The following FIP1L1 variants were observed in gnomAD, a reference collection of about 807,000 sequenced individuals.
The protein encoded by FIP1L1 is factor interacting with PAPOLA and CPSF1.
In FIP1L1, 21 loss-of-function variants were observed where a neutral mutation model predicts 84.6. The observed-to-expected ratio is 0.25, with a 90% confidence interval of 0.18 to 0.36. The LOEUF (loss-of-function observed/expected upper bound fraction) is 0.36. Ranked by LOEUF, FIP1L1 falls within the 10% of genes least tolerant of loss-of-function variation. The pLI, the probability that FIP1L1 is intolerant of heterozygous loss-of-function variation, is 1.00. For missense variants in FIP1L1, 526 were observed against 751.1 expected (o/e 0.70, Z 3.50); for synonymous variants, 263 against 242.3 (o/e 1.09, Z -0.80).
At position 53,390,575 on chromosome 4, in the gene FIP1L1, C is replaced by T. The variant is rs771668615; in HGVS notation, c.452C>T (p.Pro151Leu). ...LDAPGSINGV[P>L]LLEVDLDSFE... ...GCACCTGGAAGCATTAATGGAGTTC[C>T]ACTCTTAGAGGTAGATTTGGATTCT... is the stretch of plus-strand genomic sequence containing the variant. The change falls in exon 7 of 18, where the codon CCA becomes CTA. Residue 151 changes from proline (P) to leucine (L), a missense_variant. Physicochemically the swap from Pro to Leu is moderately conservative, Grantham distance 98. Transcript: ENST00000337488. 1.3e-5 allele frequency: 21 copies of T among 1,613,016 alleles called. No homozygotes were observed. The East Asian group carries it at 2.5e-4, about 19-fold the overall frequency.
At chr4:53,452,881 G>T in intron 15 of FIP1L1, 39 bp from the exon 16 acceptor site, 2 of 1,541,552 alleles carry the variant, frequency 1.3e-6, no homozygotes, top group Non-Finnish European at 8.9e-7. Flanking sequence ...TTTTTTTAAA[G>T]TACCATAACG....
intron 4 of FIP1L1, 53 bp from the exon 5 acceptor site, chr4:53,383,720 G>T: frequency 6.7e-7 from 1 of 1,495,814 alleles, no homozygotes. Context: ...ATTAGTATTA[G>T]ATGTTGAAAT....
chr4:53,459,419 G>A lies in FIP1L1; in HGVS notation c.1755G>A (p.Gln585=). ...CGGGCAGTGAGCCTGCCCCTGAACAGGAGAGCACCGAAGCTACACCTGCAG... is the reference window on the plus strand; with the variant it reads ...CGGGCAGTGAGCCTGCCCCTGAACAAGAGAGCACCGAAGCTACACCTGCAG... The part of the protein sequence containing the change: ...KEAGSEPAPE[Q]ESTEATPAE Residue 585 remains glutamine, a synonymous_variant, in exon 18 of 18, where the codon CAG becomes CAA. Coordinates refer to ENST00000337488, the MANE Select transcript of FIP1L1 (RefSeq NM_030917.4). 5 of 1,613,456 alleles carry A rather than the reference G, an allele frequency of 3.1e-6. No individual in the cohort carries two copies. The highest frequency in any genetic ancestry group is 4.2e-6 in the Non-Finnish European group (5 of 1,179,674).
At position 53,383,765 on chromosome 4, in the gene FIP1L1, T is replaced by A; in HGVS notation, c.229-8T>A. ...AATGTATTTTATAATTTGTTTATGT[T>A]CATGTAGAAAGTGACTGAGACCGAA... is the stretch of plus-strand genomic sequence containing the variant. On this transcript the variant is annotated splice_region_variant and splice_polypyrimidine_tract_variant and intron_variant, in intron 4 of 17. Transcript: ENST00000337488. 1.3e-6 allele frequency: 2 copies of A among 1,599,804 alleles called. No individual in the cohort carries two copies. Among genetic ancestry groups the A allele is most frequent in the East Asian group, 4.5e-5 (2 of 44,620 alleles).
intron 10 of FIP1L1, among the ~76,000 whole-genome samples, chr4:53,404,523 A>G (rs537575566): frequency 6.6e-6 from 1 of 152,030 alleles, no homozygotes; most frequent in East Asian, 1.9e-4. Flanking sequence ...TTGCGTATAT[A>G]CCCAGTAATG....
In FIP1L1 at chr4:53,414,601, A is replaced by G; in HGVS notation, c.816-14A>G. 6.3e-7 allele frequency: 1 copy of G among 1,590,434 alleles called. No individual in the cohort carries two copies. The highest frequency in any genetic ancestry group is 8.6e-7 in the Non-Finnish European group (1 of 1,161,764). On this transcript the variant is annotated splice_polypyrimidine_tract_variant and intron_variant, in intron 10 of 17. Coordinates refer to ENST00000337488, the MANE Select transcript of FIP1L1 (RefSeq NM_030917.4). ...CAATATGTAAGAAAAAACATAGAAA[A>G]TTTATCTCACCAGAAACAGCACTTC...
chr4:53,390,206 T>C (rs1229186894), intron 6 of FIP1L1, among the ~76,000 whole-genome samples: 8 of 152,146 alleles, frequency 5.3e-5, no homozygotes, highest in Non-Finnish European at 5.9e-5. Flanking sequence ...TCCCAGAGTG[T>C]TGGGATTCCA....
At chr4:53,405,779 G>A (rs1290128986) in intron 10 of FIP1L1, among the ~76,000 whole-genome samples, 1 of 150,478 alleles carries the variant, frequency 6.6e-6, no homozygotes, top group African/African-American at 2.4e-5. Flanking sequence ...AATTGTGAAT[G>A]GGAGTTCACT....
intron 5 of FIP1L1, among the ~76,000 whole-genome samples, chr4:53,384,363 C>T (rs909081336): frequency 6.6e-5 from 10 of 151,526 alleles, no homozygotes; most frequent in African/African-American, 1.7e-4. Context: ...GAACCCAGAT[C>T]GAGCCACTGT....
chr4:53,383,643 CAA>C, intron 4 of FIP1L1, 128 bp from the exon 5 acceptor site: 1 of 875,102 alleles, frequency 1.1e-6, no homozygotes, highest in South Asian at 1.8e-5. Context: ...GCCGGGGCGA[CAA>C]AGTGAGAGTC....
Position 53,389,670 on chromosome 4 carries a change from TA to T in FIP1L1, c.333-136del. 3 of 663,752 alleles carry T rather than the reference TA, an allele frequency of 4.5e-6. No individual in the cohort carries two copies. In the South Asian group the frequency reaches 5.5e-5, roughly 12 times the overall value. The allele number at this position is 663,752 out of a possible 1,614,324, so 41.1% of individuals were successfully genotyped here. A position where few individuals can be genotyped will look rare whatever the true frequency, so the allele number is the denominator to read the frequency against. On this transcript the variant is annotated intron_variant, in intron 5 of 17. Coordinates refer to ENST00000337488, the MANE Select transcript of FIP1L1 (RefSeq NM_030917.4). ...TCTCATCTATACAAAATTTAAAAAA[TA>T]AAGATAGAAATAAAATGTGTGTCAC...
chr4:53,417,357 A>G (rs1759928648), intron 11 of FIP1L1, among the ~76,000 whole-genome samples: 1 of 152,128 alleles, frequency 6.6e-6, no homozygotes, highest in African/African-American at 2.4e-5. Context: ...AATTCCAAAA[A>G]TAGCCTGGCT....
intron 9 of FIP1L1, among the ~76,000 whole-genome samples, chr4:53,397,434 G>T (rs1331027164): frequency 2.0e-5 from 3 of 152,216 alleles, no homozygotes; most frequent in African/African-American, 7.2e-5. Context: ...CCTCTCAGGA[G>T]AATGGTACTC....
In FIP1L1 at chr4:53,460,630, T is replaced by C. The variant is rs1241064174; in HGVS notation, c.*1181T>C. On this transcript the variant is annotated 3_prime_UTR_variant, in exon 18 of 18. Transcript: ENST00000337488. ...TGAATTCAGTGGGGTATACAAATCATTTTAGTTGTTTTAGGGCTTTTTATT... is the reference window on the plus strand; with the variant it reads ...TGAATTCAGTGGGGTATACAAATCACTTTAGTTGTTTTAGGGCTTTTTATT... The C allele has an allele frequency of 3.1e-5, 10 of 321,962 alleles. No individual in the cohort carries two copies. The highest frequency in any genetic ancestry group is 5.5e-5 in the Non-Finnish European group (10 of 182,678). 19.9% of individuals were successfully genotyped at this position (321,962 alleles called of 1,614,324 possible).
intron 15 of FIP1L1, among the ~76,000 whole-genome samples, chr4:53,450,847 A>G (rs1047970548): frequency 1.3e-5 from 2 of 152,112 alleles, no homozygotes; most frequent in Non-Finnish European, 2.9e-5. Flanking sequence ...GCTACCTGGA[A>G]GTTTAAATCT....
intron 10 of FIP1L1, among the ~76,000 whole-genome samples, chr4:53,405,305 G>GA (rs1221233542): frequency 2.6e-5 from 4 of 152,050 alleles, no homozygotes; most frequent in Non-Finnish European, 5.9e-5. Context: ...GTTTGTCAAA[G>GA]ATCAGATAGT....
chr4:53,405,135 G>GT (rs1268866827), intron 10 of FIP1L1, among the ~76,000 whole-genome samples: 25 of 152,098 alleles, frequency 1.6e-4, no homozygotes, highest in African/African-American at 5.1e-4. Flanking sequence ...GGTTTTTATG[G>GT]TTTTAGGTCT....
chr4:53,456,402 A>G (rs1379364766), intron 16 of FIP1L1, among the ~76,000 whole-genome samples: 4 of 152,144 alleles, frequency 2.6e-5, no homozygotes, highest in African/African-American at 7.2e-5. Flanking sequence ...TTAGGAGTCA[A>G]TGTTTACCTA....
At chr4:53,438,973 T>C (rs1213304180) in intron 13 of FIP1L1, among the ~76,000 whole-genome samples, 1 of 152,306 alleles carries the variant, frequency 6.6e-6, no homozygotes, top group Middle Eastern at 3.4e-3. Context: ...GATTTTGGTA[T>C]ATTCCTTTAT....
Sources: allele counts gnomAD v4.1 joint callset (sites outside exome capture counted in the v4.1 genomes callset), GRCh38; gene constraint gnomAD v4.1.1; transcripts MANE v1.5; gene names NCBI Gene and HGNC (gene_info 2026-07-23, HGNC 2026-07-21).